The following CAMK2A variants were observed in gnomAD, a reference collection of about 807,000 sequenced individuals.
CAMK2A encodes calcium/calmodulin-dependent protein kinase type II subunit alpha.
In CAMK2A, 7 loss-of-function variants were observed where a neutral mutation model predicts 79.2. The ratio of observed to expected loss-of-function variants is 0.09; its 90% CI spans 0.05 to 0.17. The LOEUF is 0.17. CAMK2A is among the 10% of genes least tolerant of loss of function. The probability of loss-of-function intolerance (pLI) is 1.00; values close to 1 mark genes in which losing one functional copy is unlikely to be tolerated. For missense variants in CAMK2A, 214 were observed against 646.4 expected (o/e 0.33, Z 7.25); for synonymous variants, 242 against 251.7 (o/e 0.96, Z 0.36).
At position 150,267,607 on chromosome 5, in the gene CAMK2A, T is replaced by C. The variant is rs145985867; in HGVS notation, c.158-2592A>G. Among the ~76,000 whole-genome samples the C allele has an allele frequency of 2.6e-5, 4 of 152,326 alleles. No homozygotes were observed. The East Asian group carries it at 7.7e-4, about 29-fold the overall frequency. On this transcript the variant is annotated intron_variant, in intron 2 of 18. Transcript: ENST00000671881. ...TGTTGAAAGCATTCATCCTACTGAG[T>C]GTAAACATATACATTATACAATATT...
At chr5:150,283,588 C>T (rs1184562452) in intron 1 of CAMK2A, among the ~76,000 whole-genome samples, 1 of 152,202 alleles carries the variant, frequency 6.6e-6, no homozygotes, top group African/African-American at 2.4e-5. Flanking sequence ...ATGTCACCGC[C>T]TCAGGGAACT....
At chr5:150,252,569 T>A (rs1276180008) in intron 7 of CAMK2A, among the ~76,000 whole-genome samples, 4 of 152,210 alleles carry the variant, frequency 2.6e-5, no homozygotes, top group Non-Finnish European at 5.9e-5. Context: ...TATCTTCTAG[T>A]CCTTGTTTCC....
At chr5:150,257,491 G>T in intron 4 of CAMK2A, 72 bp downstream of exon 4, 1 of 1,285,370 alleles carries the variant, frequency 7.8e-7, no homozygotes, top group Non-Finnish European at 1.1e-6. Context: ...CAGCCCAAGA[G>T]GTCCAGTGAG....
At chr5:150,257,385 T>C (rs1052924520) in intron 4 of CAMK2A, among the ~76,000 whole-genome samples, 178 bp downstream of exon 4, 7 of 152,260 alleles carry the variant, frequency 4.6e-5, no homozygotes, top group African/African-American at 1.7e-4. Context: ...GGATGAAAGC[T>C]AAAAGTGTTT....
rs1299290263 is a variant in CAMK2A, at chr5:150,273,170, A to G, written c.63-11T>C. On this transcript the variant is annotated splice_polypyrimidine_tract_variant and intron_variant, in intron 1 of 18. Coordinates refer to ENST00000671881, the MANE Select transcript of CAMK2A (RefSeq NM_015981.4). ...ACCGAGAAGGCTCCCCTAGGAGGAC[A>G]GAGAAGGTGGAGAGGGTGAGGGAAT... is the stretch of plus-strand genomic sequence containing the variant. 9 of 1,608,000 alleles carry G rather than the reference A, an allele frequency of 5.6e-6. No homozygotes were observed. The highest frequency in any genetic ancestry group is 7.7e-6 in the Non-Finnish European group (9 of 1,175,736).
chr5:150,221,138 A>G lies in CAMK2A; in HGVS notation c.*1572T>C, dbSNP rs1754285951. ...CAACCTCTATTTTTTTTTTTAGTCC[A>G]AAACATGTAGATTGGTTTTGTTGAG... On this transcript the variant is annotated 3_prime_UTR_variant, in exon 19 of 19. Transcript: ENST00000671881. 1 of 266,462 alleles carries G rather than the reference A, an allele frequency of 3.8e-6. No individual in the cohort carries two copies. Among genetic ancestry groups the G allele is most frequent in the Admixed American group, 5.4e-5 (1 of 18,570 alleles). The allele number at this position is 266,462 out of a possible 1,614,324, so 16.5% of individuals were successfully genotyped here.
chr5:150,282,159 C>T (rs1453203801), intron 1 of CAMK2A, among the ~76,000 whole-genome samples: 2 of 152,142 alleles, frequency 1.3e-5, no homozygotes, highest in African/African-American at 4.8e-5. Flanking sequence ...CACCCACTCC[C>T]AGACTCTAAA....
At chr5:150,250,846 G>T (rs1285670851) in intron 9 of CAMK2A, 36 bp from the exon 10 acceptor site, 16 of 1,605,892 alleles carry the variant, frequency 1.0e-5, no homozygotes, top group Non-Finnish European at 1.2e-5. Flanking sequence ...TGCCCAGCCT[G>T]CCCCAGGCCA....
rs749201486 is a variant in CAMK2A at position 150,257,580 on chromosome 5, G to A, written c.255C>T (p.His85=). Residue 85 remains histidine, a synonymous_variant, in exon 4 of 19, where the codon CAC becomes CAT. Transcript: ENST00000671881. ...AAACTCACAGGTCGAAGATCAGGTA[G>A]TGGTGTCCCTCCTCTGAGATGCTGT... The part of the protein sequence containing the change: ...LHDSISEEGH[H]YLIFDLVTGG... 36 of 1,570,020 alleles carry A rather than the reference G, an allele frequency of 2.3e-5. No homozygotes were observed. Among genetic ancestry groups the A allele is most frequent in the Middle Eastern group, 1.7e-4 (1 of 6,040 alleles).
chr5:150,220,501 T>C lies in CAMK2A; in HGVS notation c.*2209A>G, dbSNP rs1487529508. 6.6e-6 allele frequency: 1 copy of C among 152,324 alleles called. No individual in the cohort carries two copies. The allele number at this position is 152,324 out of a possible 1,614,324, so 9.4% of individuals were successfully genotyped here. A position where few individuals can be genotyped will look rare whatever the true frequency, so the allele number is the denominator to read the frequency against. On this transcript the variant is annotated 3_prime_UTR_variant, in exon 19 of 19. Transcript: ENST00000671881. ...GCTGGATGGGAACAAAGAACCCTTT[T>C]AACCAATGAGGGAACTGAGGCTGAA... is the stretch of plus-strand genomic sequence containing the variant.
At chr5:150,289,429 C>T (rs1757570708) in intron 1 of CAMK2A, 135 bp downstream of exon 1, 4 of 697,492 alleles carry the variant, frequency 5.7e-6, no homozygotes, top group East Asian at 2.6e-5. Context: ...CAGGCAGGTG[C>T]CCCCAAACCC....
chr5:150,242,756 G>A (rs1390065571), intron 13 of CAMK2A, among the ~76,000 whole-genome samples: 1 of 152,196 alleles, frequency 6.6e-6, no homozygotes, highest in Non-Finnish European at 1.5e-5. Flanking sequence ...TACTGAAAAT[G>A]CACCTGGACC....
chr5:150,230,228 G>T (rs922852378), intron 16 of CAMK2A, among the ~76,000 whole-genome samples: 1 of 137,100 alleles, frequency 7.3e-6, no homozygotes, highest in Non-Finnish European at 1.5e-5. Context: ...TGAGGCAGGA[G>T]AATCACTTGA....
At chr5:150,226,594 G>C (rs1274617892) in intron 17 of CAMK2A, among the ~76,000 whole-genome samples, 1 of 151,280 alleles carries the variant, frequency 6.6e-6, no homozygotes, top group African/African-American at 2.4e-5. Context: ...AAAATTAGCC[G>C]GGTGTGTTGG....
intron 10 of CAMK2A, 104 bp from the exon 11 acceptor site, chr5:150,250,413 A>T: frequency 1.0e-6 from 1 of 999,600 alleles, no homozygotes; most frequent in South Asian, 1.3e-5. Flanking sequence ...TGTGGTTGAC[A>T]TCTTGGGAAG....
In CAMK2A at chr5:150,222,826, C is replaced by T. The variant is rs1754384783; in HGVS notation, c.1467-113G>A. On this transcript the variant is annotated intron_variant, in intron 18 of 18. Transcript: ENST00000671881. The stretch of plus-strand genomic sequence containing the variant: ...GCGGTCCCTGGTGGCTCCTGCCCAG[C>T]TCTTCCCCCAGACCTGCAGGCCTGG... 17 of 1,447,820 alleles carry T rather than the reference C, an allele frequency of 1.2e-5. No homozygotes were observed. The South Asian group carries it at 1.9e-4, about 17-fold the overall frequency. 89.7% of individuals were successfully genotyped at this position (1,447,820 alleles called of 1,614,324 possible). A position where few individuals can be genotyped will look rare whatever the true frequency, so the allele number is the denominator to read the frequency against.
intron 2 of CAMK2A, among the ~76,000 whole-genome samples, chr5:150,265,723 C>T (rs937358948): frequency 6.6e-6 from 1 of 152,120 alleles, no homozygotes; most frequent in Non-Finnish European, 1.5e-5. Context: ...AAGTGGATCA[C>T]TTGAGCTCAG....
intron 18 of CAMK2A, 46 bp from the exon 19 acceptor site, chr5:150,222,759 C>T (rs752787292): frequency 4.3e-6 from 7 of 1,612,346 alleles, no homozygotes; most frequent in African/African-American, 2.7e-5. Flanking sequence ...GTGTTTCCTG[C>T]TTGGGCAACC....
At position 150,219,629 on chromosome 5, in the gene CAMK2A, A is replaced by T. The variant is rs1379218530; in HGVS notation, c.*3081T>A. 11 of 24,300 alleles carry T rather than the reference A, an allele frequency of 4.5e-4. No individual in the cohort carries two copies. Among genetic ancestry groups the T allele is most frequent in the Non-Finnish European group, 1.0e-3 (10 of 9,562 alleles). The allele number at this position is 24,300 out of a possible 1,614,324, so 1.5% of individuals were successfully genotyped here. On this transcript the variant is annotated 3_prime_UTR_variant, in exon 19 of 19. Coordinates refer to ENST00000671881, the MANE Select transcript of CAMK2A (RefSeq NM_015981.4). ...TTCAAGTTCACAGCCACATATTTTT[A>T]AAAAAGAAAAGAAAAAAAAAAAGAA...
Sources: gnomAD v4.1 joint callset for allele counts (sites outside exome capture counted in the v4.1 genomes callset) on GRCh38, gnomAD v4.1.1 for gene constraint, MANE v1.5 for transcripts, NCBI Gene and HGNC (gene_info 2026-07-23, HGNC 2026-07-21) for gene names.